The following KIRREL2 variants were observed in gnomAD, a reference collection of about 807,000 sequenced individuals.
KIRREL2 encodes the protein kirre like nephrin family adhesion molecule 2, also known as kin of IRRE-like protein 2.
KIRREL2 carries 56 observed loss-of-function variants against 73.4 expected under a neutral mutation model. The observed-to-expected ratio is 0.76, with a 90% CI of 0.62 to 0.95. The LOEUF (loss-of-function observed/expected upper bound fraction) is 0.95. Among genes scored for constraint, KIRREL2 ranks in the 40% least tolerant of loss-of-function variants. The probability of loss-of-function intolerance (pLI) is 0.00; values close to 1 mark genes in which losing one functional copy is unlikely to be tolerated. For synonymous variants in KIRREL2, 407 were observed against 404.0 expected, an observed-to-expected ratio of 1.01 and a Z score of -0.09; for missense variants, 896 against 935.0, an observed-to-expected ratio of 0.96 and a Z score of 0.54.
chr19:35,861,067 A>AG, intron 8 of KIRREL2, 31 bp downstream of exon 8: 1 of 1,605,976 alleles, frequency 6.2e-7, no homozygotes, highest in African/African-American at 1.3e-5. Flanking sequence ...CGGTGGCTGG[A>AG]GGGGGACCAG....
rs539656145 is a variant in KIRREL2 at position 35,857,027 on chromosome 19, G to C, written c.-93G>C. On this transcript the variant is annotated 5_prime_UTR_variant, in exon 1 of 15. Transcript: ENST00000360202. ...GGGCGAAGAGTCGAGCGTGAAGGGG[G>C]CTCCGGGCCAGGGTGACAGGAGGCG... 2 of 1,303,514 alleles carry C rather than the reference G, an allele frequency of 1.5e-6. No homozygotes were observed. The highest frequency in any genetic ancestry group is 1.2e-5 in the South Asian group (1 of 84,352). 80.7% of individuals were successfully genotyped at this position (1,303,514 alleles called of 1,614,324 possible).
At chr19:35,861,760 C>A in intron 10 of KIRREL2, 45 bp from the exon 11 acceptor site, 1 of 1,587,378 alleles carries the variant, frequency 6.3e-7, no homozygotes, top group Non-Finnish European at 8.6e-7. Context: ...GCTTCTTCCT[C>A]CCCTCCTCAG....
At chr19:35,857,605 C>A in intron 2 of KIRREL2, 111 bp downstream of exon 2, 1 of 1,146,418 alleles carries the variant, frequency 8.7e-7, no homozygotes, top group Non-Finnish European at 1.2e-6. Flanking sequence ...AATTGATGGG[C>A]TCGGGTAAAC....
At chr19:35,857,213 T>TG (rs750815250) in intron 1 of KIRREL2, 33 bp downstream of exon 1, 4 of 553,872 alleles carry the variant, frequency 7.2e-6, no homozygotes, top group African/African-American at 3.6e-5. Context: ...GAATATGGGG[T>TG]GGGGGTGGGG....
intron 2 of KIRREL2, 56 bp from the exon 3 acceptor site, chr19:35,858,352 C>T (rs1973518384): frequency 1.3e-6 from 2 of 1,584,766 alleles, no homozygotes; most frequent in Middle Eastern, 1.9e-4. Flanking sequence ...GGGATGGAGG[C>T]CTGAGGCCAG....
rs202198192 is a variant in KIRREL2, at chr19:35,866,240, G to A, written c.1875G>A (p.Leu625=). The part of the protein sequence containing the change: ...LGEAPGGGLF[L]PPPSPLGPPG... ...AAGCCCCTGGAGGAGGTCTCTTCCTGCCACCACCCTCCCCCCTTGGGCCCC... is the reference window on the plus strand; with the variant it reads ...AAGCCCCTGGAGGAGGTCTCTTCCTACCACCACCCTCCCCCCTTGGGCCCC... The change falls in exon 15 of 15, where the codon CTG becomes CTA. Residue 625 remains leucine (L), a synonymous_variant. Coordinates refer to ENST00000360202, the MANE Select transcript of KIRREL2 (RefSeq NM_199180.4). 1 of 1,611,188 alleles carries A rather than the reference G, an allele frequency of 6.2e-7. No homozygotes were observed. Among genetic ancestry groups the A allele is most frequent in the African/African-American group, 1.3e-5 (1 of 74,926 alleles).
In KIRREL2 at chr19:35,857,128, G is replaced by C. The variant is rs1017221888; in HGVS notation, c.9G>C (p.Arg3Ser). Residue 3 changes from arginine to serine, a missense_variant, in exon 1 of 15, where the codon AGG becomes AGC. Arg to Ser is a moderately radical substitution (Grantham distance 110, BLOSUM62 -1). Coordinates refer to ENST00000360202, the MANE Select transcript of KIRREL2 (RefSeq NM_199180.4). ML[R>S]MRVPALLVLL... The stretch of plus-strand genomic sequence containing the variant: ...TGAACCTTGGGGGACGAATGCTCAG[G>C]ATGCGGGTCCCCGCCCTCCTCGTCC... The C allele has an allele frequency of 1.2e-6, 2 of 1,613,658 alleles. No individual in the cohort carries two copies. The highest frequency in any genetic ancestry group is 3.3e-5 in the Admixed American group (2 of 59,984).
intron 13 of KIRREL2, among the ~76,000 whole-genome samples, chr19:35,864,438 C>T (rs951013258): frequency 2.0e-5 from 3 of 150,732 alleles, no homozygotes; most frequent in Non-Finnish European, 4.4e-5. Context: ...GATACTCCTG[C>T]TGCGGCCTCC....
upstream of KIRREL2, among the ~76,000 whole-genome samples, chr19:35,855,383 C>T (rs540770560): frequency 4.9e-4 from 75 of 152,084 alleles, no homozygotes; most frequent in African/African-American, 1.7e-3. Context: ...TTTCCATGTC[C>T]GTAGCCCCAG....
In KIRREL2 at chr19:35,862,563, T is replaced by C; in HGVS notation, c.1581T>C (p.Thr527=). 1.2e-6 allele frequency: 2 copies of C among 1,609,990 alleles called. No homozygotes were observed. The highest frequency in any genetic ancestry group is 1.7e-6 in the Non-Finnish European group (2 of 1,179,916). ...CCACAACTCTCCTTATGGTCATCAC[T>C]GGGGTGGCCCTCTGCTGCTGGCGCC... The part of the protein sequence containing the change: ...AATTTLLMVI[T]GVALCCWRHS... The change falls in exon 12 of 15, where the codon ACT becomes ACC. Residue 527 remains threonine (T), a synonymous_variant. Transcript: ENST00000360202.
At chr19:35,865,081 G>A (rs1030687003) in intron 14 of KIRREL2, among the ~76,000 whole-genome samples, 1 of 151,350 alleles carries the variant, frequency 6.6e-6, no homozygotes, top group Non-Finnish European at 1.5e-5. Context: ...CCTACCTCAG[G>A]ACAGCCACAT....
intron 5 of KIRREL2, 82 bp from the exon 6 acceptor site, chr19:35,860,215 A>C: frequency 8.7e-7 from 1 of 1,149,982 alleles, no homozygotes; most frequent in Non-Finnish European, 1.3e-6. Context: ...CCTGGGATGG[A>C]GGAACCAGGG....
In KIRREL2 at chr19:35,859,575, C is replaced by T. The variant is rs1279892968; in HGVS notation, c.617C>T (p.Ala206Val). The T allele has an allele frequency of 1.2e-6, 2 of 1,614,160 alleles. No individual in the cohort carries two copies. The highest frequency in any genetic ancestry group is 1.7e-6 in the Non-Finnish European group (2 of 1,180,050). ...GATGGAGCCACCTTTGTCTGCCGGGCCCGGAGCCAGGCCCTGCCCACAGGA... is the reference window on the plus strand; with the variant it reads ...GATGGAGCCACCTTTGTCTGCCGGGTCCGGAGCCAGGCCCTGCCCACAGGA... ...HDDGATFVCR[A>V]RSQALPTGRD... Residue 206 changes from alanine to valine, a missense_variant, in exon 5 of 15, where the codon GCC becomes GTC. Ala to Val is a moderately conservative substitution (Grantham distance 64). Coordinates refer to ENST00000360202, the MANE Select transcript of KIRREL2 (RefSeq NM_199180.4).
chr19:35,858,333 G>A (rs1973517489), intron 2 of KIRREL2, 75 bp from the exon 3 acceptor site: 8 of 1,541,838 alleles, frequency 5.2e-6, no homozygotes, highest in Non-Finnish European at 7.1e-6. Flanking sequence ...TTCTGGTGGA[G>A]GATGTCTGGG....
Position 35,866,106 on chromosome 19 carries a change from C to T in KIRREL2, c.1792-51C>T, listed in dbSNP as rs960734568. On this transcript the variant is annotated intron_variant, in intron 14 of 14. Coordinates refer to ENST00000360202, the MANE Select transcript of KIRREL2 (RefSeq NM_199180.4). Reference sequence around the variant, plus strand: ...AGTGTGTCTCTCCATCAGTGACCCTCATCCCCCCTGCACGCTCACAGACTT... The same window carrying T: ...AGTGTGTCTCTCCATCAGTGACCCTTATCCCCCCTGCACGCTCACAGACTT... 6 of 1,558,364 alleles carry T rather than the reference C, an allele frequency of 3.9e-6. No individual in the cohort carries two copies. In the African/African-American group the frequency reaches 6.9e-5, roughly 18 times the overall value.
chr19:35,866,774 C>T lies in KIRREL2; in HGVS notation c.*282C>T. The T allele has an allele frequency of 1.8e-6, 1 of 545,058 alleles. No individual in the cohort carries two copies. Among genetic ancestry groups the T allele is most frequent in the Non-Finnish European group, 3.2e-6 (1 of 313,184 alleles). The allele number at this position is 545,058 out of a possible 1,614,324, so 33.8% of individuals were successfully genotyped here. A position where few individuals can be genotyped will look rare whatever the true frequency, so the allele number is the denominator to read the frequency against. ...CCTTTGAGGAGAGATGGGGACAGGG[C>T]AGTGGGTGTTGGGAGTTTGGGGCCG... On this transcript the variant is annotated 3_prime_UTR_variant, in exon 15 of 15. Transcript: ENST00000360202.
At chr19:35,865,140 C>G (rs980604882) in intron 14 of KIRREL2, among the ~76,000 whole-genome samples, 14 of 150,386 alleles carry the variant, frequency 9.3e-5, no homozygotes, top group Non-Finnish European at 1.9e-4. Flanking sequence ...CTCTCTCTCT[C>G]CTGCGTACCT....
At position 35,866,431 on chromosome 19, in the gene KIRREL2, C is replaced by A; in HGVS notation, c.2066C>A (p.Pro689His). 3 of 1,606,794 alleles carry A rather than the reference C, an allele frequency of 1.9e-6. No individual in the cohort carries two copies. The highest frequency in any genetic ancestry group is 2.2e-5 in the East Asian group (1 of 44,856). The change falls in exon 15 of 15, where the codon CCC becomes CAC. Residue 689 changes from proline to histidine, a missense_variant. Physicochemically the swap from Pro to His is moderately conservative, Grantham distance 77. Coordinates refer to ENST00000360202, the MANE Select transcript of KIRREL2 (RefSeq NM_199180.4). ...CCCCCAGATCTGGCCCCCGGGACTCCCCCCTTCCCATATGCTGCCTTCCCC... is the reference window on the plus strand; with the variant it reads ...CCCCCAGATCTGGCCCCCGGGACTCACCCCTTCCCATATGCTGCCTTCCCC... ...FGPPDLAPGTPPFPYAAFPTP... is the reference protein window; with the variant it reads ...FGPPDLAPGTHPFPYAAFPTP...
At chr19:35,851,593 C>T (rs751756079), upstream of KIRREL2, 3 of 1,613,982 alleles carry the variant, frequency 1.9e-6, no homozygotes, top group Non-Finnish European at 2.5e-6. Flanking sequence ...CCACTGAGGC[C>T]CCCTCCACCA....
Sources: gnomAD v4.1 joint callset for allele counts (sites outside exome capture counted in the v4.1 genomes callset) on GRCh38, gnomAD v4.1.1 for gene constraint, MANE v1.5 for transcripts, NCBI Gene and HGNC (gene_info 2026-07-23, HGNC 2026-07-21) for gene names.